The following DCBLD2 variants were observed in gnomAD, a reference collection of about 807,000 sequenced individuals.
DCBLD2 encodes the protein discoidin, CUB and LCCL domain containing 2, also known as discoidin, CUB and LCCL domain-containing protein 2.
A neutral mutation model predicts 86.8 loss-of-function variants in DCBLD2; 54 were observed. The observed-to-expected ratio is 0.62, with a 90% confidence interval of 0.50 to 0.78. DCBLD2 has a LOEUF of 0.78. Among genes scored for constraint, DCBLD2 ranks in the 30% least tolerant of loss-of-function variants. The pLI is 0.00. For synonymous variants in DCBLD2, 354 were observed against 341.3 expected (o/e 1.04, Z -0.41); for missense variants, 908 against 954.2 (o/e 0.95, Z 0.64).
chr3:98,838,193 G>A (rs1289234366), intron 3 of DCBLD2, among the ~76,000 whole-genome samples: 2 of 121,394 alleles, frequency 1.6e-5, no homozygotes, highest in Non-Finnish European at 3.6e-5. Flanking sequence ...GGGCGGAGAC[G>A]CTCCTCACTT....
chr3:98,821,629 G>A (rs1006532817), intron 6 of DCBLD2, among the ~76,000 whole-genome samples: 1 of 151,738 alleles, frequency 6.6e-6, no homozygotes, highest in Non-Finnish European at 1.5e-5. Context: ...CAAACTTCTA[G>A]ACTCTTATGT....
At chr3:98,845,815 C>A (rs1414500330) in intron 3 of DCBLD2, among the ~76,000 whole-genome samples, 1 of 152,170 alleles carries the variant, frequency 6.6e-6, no homozygotes, top group Admixed American at 6.5e-5. Flanking sequence ...GTTTTTGCAC[C>A]TGCTGTTCCC....
intron 1 of DCBLD2, among the ~76,000 whole-genome samples, chr3:98,900,299 C>G (rs1559804908): frequency 6.6e-6 from 1 of 152,090 alleles, no homozygotes; most frequent in African/African-American, 2.4e-5. Flanking sequence ...ATGGAAAATG[C>G]AATGGAAATA....
Position 98,881,717 on chromosome 3 carries a change from A to G in DCBLD2, c.256T>C (p.Ser86Pro). The change falls in exon 2 of 16, where the codon TCC becomes CCC. Residue 86 changes from serine to proline, a missense_variant. By Grantham distance (74) the Ser-to-Pro change is moderately conservative. Around this residue, in one of 3 missense-constraint regions of DCBLD2, gnomAD observed 294 missense variants for 256.0 expected, o/e 1.15. Coordinates refer to ENST00000326840, the MANE Select transcript of DCBLD2 (RefSeq NM_080927.4). ...VLGPESGTLT[S>P]INYPQTYPNS... ...GGATAGGTCTGTGGGTAGTTTATGG[A>G]TGTAAGGGTTCCACTCTCAGGGCCT... 1 of 1,613,938 alleles carries G rather than the reference A, an allele frequency of 6.2e-7. No homozygotes were observed. The highest frequency in any genetic ancestry group is 8.5e-7 in the Non-Finnish European group (1 of 1,179,862).
At chr3:98,827,049 C>T (rs1942236436) in intron 3 of DCBLD2, among the ~76,000 whole-genome samples, 1 of 152,080 alleles carries the variant, frequency 6.6e-6, no homozygotes, top group African/African-American at 2.4e-5. Flanking sequence ...AGCTTAATAA[C>T]TGTGTTGTAC....
At chr3:98,856,292 G>A (rs943880331) in intron 2 of DCBLD2, among the ~76,000 whole-genome samples, 2 of 151,906 alleles carry the variant, frequency 1.3e-5, no homozygotes, top group African/African-American at 4.8e-5. Context: ...CAAAACCTCA[G>A]AGGAAACATT....
At chr3:98,816,711 A>AT (rs1375591220) in intron 9 of DCBLD2, among the ~76,000 whole-genome samples, 3 of 152,240 alleles carry the variant, frequency 2.0e-5, no homozygotes, top group Middle Eastern at 3.2e-3. Context: ...ATCATACATG[A>AT]TAAAAAACAA....
chr3:98,895,017 C>T (rs1322738393), intron 1 of DCBLD2, among the ~76,000 whole-genome samples: 1 of 151,462 alleles, frequency 6.6e-6, no homozygotes, highest in African/African-American at 2.4e-5. Context: ...GAGAGTTTAC[C>T]GAGAAGACAA....
At chr3:98,836,735 C>CA (rs549888692) in intron 3 of DCBLD2, among the ~76,000 whole-genome samples, 45,968 of 75,660 alleles carry the variant, frequency 0.61, 18,498 homozygotes, top group East Asian at 0.9. Flanking sequence ...CTGACCCCCC[C>CA]ATCTCCCTCC....
chr3:98,842,388 T>C (rs191789313), intron 3 of DCBLD2, among the ~76,000 whole-genome samples: 1 of 152,334 alleles, frequency 6.6e-6, no homozygotes, highest in East Asian at 1.9e-4. Context: ...CTTGCTCCTA[T>C]TATAGGAATC....
At chr3:98,870,806 A>AAAGAAAGAAAGAAAGGAAGGAAGG (rs1559794673) in intron 2 of DCBLD2, among the ~76,000 whole-genome samples, 2 of 123,300 alleles carry the variant, frequency 1.6e-5, no homozygotes, top group Non-Finnish European at 3.5e-5. Context: ...AGAAAGAAAG[A>AAAGAAAGAAAGAAAGGAAGGAAGG]AAGAAAGGTA....
At position 98,796,756 on chromosome 3, in the gene DCBLD2, C is replaced by G. The variant is rs753607186; in HGVS notation, c.*2616G>C. The G allele has an allele frequency of 2.6e-5, 4 of 152,614 alleles. No individual in the cohort carries two copies. The highest frequency in any genetic ancestry group is 4.4e-5 in the Non-Finnish European group (3 of 68,042). The allele number at this position is 152,614 out of a possible 1,614,324, so 9.5% of individuals were successfully genotyped here. ...TTAATAAAGTATAAGTCAGAATTCA[C>G]AATATCTTAAACTGTGCTGTTTCCT... On this transcript the variant is annotated 3_prime_UTR_variant, in exon 16 of 16. Coordinates refer to ENST00000326840, the MANE Select transcript of DCBLD2 (RefSeq NM_080927.4).
intron 9 of DCBLD2, among the ~76,000 whole-genome samples, chr3:98,816,695 T>C (rs1017046331): frequency 1.5e-4 from 23 of 152,182 alleles, no homozygotes; most frequent in African/African-American, 5.1e-4. Context: ...GAAGACTTTT[T>C]AGCAAATCAT....
rs927890463 is a variant in DCBLD2 at position 98,796,047 on chromosome 3, A to G, written c.*3325T>C. 1.3e-5 allele frequency: 2 copies of G among 152,652 alleles called. No individual in the cohort carries two copies. The highest frequency in any genetic ancestry group is 2.9e-5 in the Non-Finnish European group (2 of 68,036). The allele number at this position is 152,652 out of a possible 1,614,324, so 9.5% of individuals were successfully genotyped here. ...AATCTGAGCAAGACATATATACATT[A>G]AAAACAAATGAACACATTAAAATTT... is the stretch of plus-strand genomic sequence containing the variant. On this transcript the variant is annotated 3_prime_UTR_variant, in exon 16 of 16. Coordinates refer to ENST00000326840, the MANE Select transcript of DCBLD2 (RefSeq NM_080927.4).
At chr3:98,848,312 T>C (rs1169341021) in intron 3 of DCBLD2, among the ~76,000 whole-genome samples, 1 of 152,246 alleles carries the variant, frequency 6.6e-6, no homozygotes, top group Non-Finnish European at 1.5e-5. Flanking sequence ...TCATTCTTTT[T>C]CATGGCTGCA....
Position 98,797,808 on chromosome 3 carries a change from G to C in DCBLD2, c.*1564C>G, listed in dbSNP as rs531469637. 1 of 152,312 alleles carries C rather than the reference G, an allele frequency of 6.6e-6. No homozygotes were observed. The highest frequency in any genetic ancestry group is 1.9e-4 in the East Asian group (1 of 5,186). The allele number at this position is 152,312 out of a possible 1,614,324, so 9.4% of individuals were successfully genotyped here. A position where few individuals can be genotyped will look rare whatever the true frequency, so the allele number is the denominator to read the frequency against. Reference sequence around the variant, plus strand: ...TACTGTTCATCTTTATTCAAATTGAGTGAATTCTGGCAACATCATAATCTG... The same window carrying C: ...TACTGTTCATCTTTATTCAAATTGACTGAATTCTGGCAACATCATAATCTG... On this transcript the variant is annotated 3_prime_UTR_variant, in exon 16 of 16. Coordinates refer to ENST00000326840, the MANE Select transcript of DCBLD2 (RefSeq NM_080927.4).
intron 2 of DCBLD2, among the ~76,000 whole-genome samples, chr3:98,859,244 G>A (rs911554683): frequency 2.0e-5 from 3 of 152,204 alleles, no homozygotes; most frequent in Non-Finnish European, 4.4e-5. Context: ...GAACTGGGTG[G>A]AGCCCAACGC....
At chr3:98,853,579 A>T (rs1942878088) in intron 2 of DCBLD2, among the ~76,000 whole-genome samples, 4 of 152,238 alleles carry the variant, frequency 2.6e-5, no homozygotes, top group Admixed American at 6.5e-5. Context: ...TGTACAGAGT[A>T]TAGAGACCTT....
Position 98,864,917 on chromosome 3 carries a change from A to G in DCBLD2, c.434-15319T>C, listed in dbSNP as rs765056427. ...GAAATGAAAATAAAACCACAATGAG[A>G]TATCACCTCATGCTTCCTAGAATGG... On this transcript the variant is annotated intron_variant, in intron 2 of 15. Coordinates refer to ENST00000326840, the MANE Select transcript of DCBLD2 (RefSeq NM_080927.4). Among the ~76,000 whole-genome samples, 14 of 152,122 alleles carry G rather than the reference A, an allele frequency of 9.2e-5. 1 individual carries two copies. Among genetic ancestry groups the G allele is most frequent in the Non-Finnish European group, 2.1e-4 (14 of 68,018 alleles).
Sources: gnomAD v4.1 joint callset for allele counts (sites outside exome capture counted in the v4.1 genomes callset) on GRCh38, gnomAD v4.1.1 for gene constraint, gnomAD v4.1.1 regional missense constraint, MANE v1.5 for transcripts, NCBI Gene and HGNC (gene_info 2026-07-23, HGNC 2026-07-21) for gene names.